The following ADGB variants were observed in gnomAD, a reference collection of about 807,000 sequenced individuals.
ADGB encodes androglobin.
In ADGB, 172 loss-of-function variants were observed where a neutral mutation model predicts 210.5. The observed-to-expected ratio is 0.82, with a 90% CI of 0.72 to 0.93. ADGB has a LOEUF of 0.93. Among genes scored for constraint, ADGB ranks in the 40% least tolerant of loss-of-function variants. The pLI is 0.00. For missense variants in ADGB, 2,025 were observed against 1,964.8 expected (o/e 1.03, Z -0.58); for synonymous variants, 658 against 662.7 (o/e 0.99, Z 0.11).
At chr6:146,599,163 C>T (rs748469758) in intron 1 of ADGB, 49 bp downstream of exon 1, 112 of 1,497,958 alleles carry the variant, frequency 7.5e-5, no homozygotes, top group Non-Finnish European at 9.7e-5. Flanking sequence ...GCCCCTCGAC[C>T]TCACCACTAG....
intron 5 of ADGB, among the ~76,000 whole-genome samples, chr6:146,662,715 T>C (rs1205210009): frequency 6.6e-6 from 1 of 151,894 alleles, no homozygotes; most frequent in African/African-American, 2.4e-5. Context: ...TGTAGTGTTA[T>C]GTTTTACAAC....
At chr6:146,669,456 G>A (rs1775977904) in intron 7 of ADGB, among the ~76,000 whole-genome samples, 1 of 152,022 alleles carries the variant, frequency 6.6e-6, no homozygotes, top group Non-Finnish European at 1.5e-5. Context: ...CACCACACCA[G>A]TGAAATGGCT....
At position 146,655,735 on chromosome 6, in the gene ADGB, T is replaced by C. The variant is rs796551627; in HGVS notation, c.403-1036T>C. Among the ~76,000 whole-genome samples the C allele has an allele frequency of 4.8e-4, 73 of 152,286 alleles. 1 individual carries two copies. The highest frequency in any genetic ancestry group is 1.7e-3 in the African/African-American group (70 of 41,574). On this transcript the variant is annotated intron_variant, in intron 4 of 35. Coordinates refer to ENST00000397944, the MANE Select transcript of ADGB (RefSeq NM_024694.4). Reference sequence around the variant, plus strand: ...ATCCTAATCCCACTTAGACTTTCGCTTTTCATTTTTCAAGGGAAGGAAAGT... The same window carrying C: ...ATCCTAATCCCACTTAGACTTTCGCCTTTCATTTTTCAAGGGAAGGAAAGT...
At chr6:146,635,296 T>C (rs1775401956) in intron 1 of ADGB, 79 bp from the exon 2 acceptor site, 3 of 1,249,022 alleles carry the variant, frequency 2.4e-6, no homozygotes, top group Non-Finnish European at 3.1e-6. Flanking sequence ...AAGACAAATT[T>C]ATGTTATGCA....
At chr6:146,664,820 T>C (rs1775916746) in intron 6 of ADGB, among the ~76,000 whole-genome samples, 1 of 152,086 alleles carries the variant, frequency 6.6e-6, no homozygotes, top group Admixed American at 6.6e-5. Context: ...TCACTTTTGA[T>C]ACATTCATGA....
At chr6:146,777,778 C>T (rs1777742305) in intron 29 of ADGB, among the ~76,000 whole-genome samples, 1 of 152,182 alleles carries the variant, frequency 6.6e-6, no homozygotes, top group African/African-American at 2.4e-5. Flanking sequence ...ACTGTAGCAA[C>T]TTCTTAAAGC....
chr6:146,812,920 T>G (rs1308224812), intron 35 of ADGB, among the ~76,000 whole-genome samples: 1 of 152,240 alleles, frequency 6.6e-6, no homozygotes, highest in East Asian at 1.9e-4. Context: ...GCTATTCATT[T>G]GGGAAAAGAA....
At chr6:146,642,835 A>G (rs1274451153) in intron 2 of ADGB, among the ~76,000 whole-genome samples, 2 of 151,874 alleles carry the variant, frequency 1.3e-5, no homozygotes, top group African/African-American at 4.8e-5. Context: ...TGGGTGATGA[A>G]ATAATCTGTA....
intron 28 of ADGB, among the ~76,000 whole-genome samples, chr6:146,767,518 C>A (rs1411366393): frequency 6.6e-6 from 1 of 152,056 alleles, no homozygotes; most frequent in African/African-American, 2.4e-5. Flanking sequence ...ACTCCATTGT[C>A]CAGGCAATGG....
rs1776813406 is a variant in ADGB at position 146,721,495 on chromosome 6, G to GA, written c.2085_2086insA (p.Glu696ArgfsTer20). On this transcript the variant is annotated frameshift_variant, in exon 17 of 36. Coordinates refer to ENST00000397944, the MANE Select transcript of ADGB (RefSeq NM_024694.4). LOFTEE classifies it high-confidence loss of function. ...GCTTTTCTGCATTGGTACGCTGGGG[G>GA]GAGTATGGAGGTAAGAGGGCTCTGA... 1 of 1,542,714 alleles carries GA rather than the reference G, an allele frequency of 6.5e-7. No individual in the cohort carries two copies. Among genetic ancestry groups the GA allele is most frequent in the South Asian group, 1.2e-5 (1 of 83,870 alleles).
In ADGB at chr6:146,664,293, G is replaced by A. The variant is rs1263757546; in HGVS notation, c.705G>A (p.Leu235=). Residue 235 remains leucine (L), a synonymous_variant, in exon 6 of 36, where the codon CTG becomes CTA. Transcript: ENST00000397944. Reference sequence around the variant, plus strand: ...CAGCTACAACTTATGAATTTGAACTGTGGCCAATGCTTTTGTCTAAAGCTA... The same window carrying A: ...CAGCTACAACTTATGAATTTGAACTATGGCCAATGCTTTTGTCTAAAGCTA... ...LLPATTYEFE[L]WPMLLSKAII... 5 of 1,549,572 alleles carry A rather than the reference G, an allele frequency of 3.2e-6. No individual in the cohort carries two copies. Among genetic ancestry groups the A allele is most frequent in the Non-Finnish European group, 4.4e-6 (5 of 1,146,042 alleles).
chr6:146,748,600 T>C (rs1777276406), intron 26 of ADGB, among the ~76,000 whole-genome samples: 1 of 152,186 alleles, frequency 6.6e-6, no homozygotes, highest in African/African-American at 2.4e-5. Flanking sequence ...ATTTCCCTTT[T>C]TCTTTAGAGA....
chr6:146,775,583 G>A (rs892303546), intron 29 of ADGB, among the ~76,000 whole-genome samples: 3 of 151,998 alleles, frequency 2.0e-5, no homozygotes, highest in African/African-American at 4.8e-5. Flanking sequence ...TTACAGTTTT[G>A]TGTTGCTGGC....
chr6:146,691,042 T>G (rs1484714594), intron 10 of ADGB, 74 bp from the exon 11 acceptor site: 11 of 1,314,346 alleles, frequency 8.4e-6, no homozygotes, highest in Admixed American at 3.1e-5. Flanking sequence ...CTGTTCGTGA[T>G]AGTATTTTTA....
intron 10 of ADGB, among the ~76,000 whole-genome samples, chr6:146,687,083 C>G (rs1413512745): frequency 6.6e-6 from 1 of 152,030 alleles, no homozygotes; most frequent in Admixed American, 6.6e-5. Context: ...TACTATATAA[C>G]AGTGTTCATA....
intron 5 of ADGB, among the ~76,000 whole-genome samples, chr6:146,659,021 A>C (rs1201826695): frequency 6.6e-6 from 1 of 152,088 alleles, no homozygotes; most frequent in Non-Finnish European, 1.5e-5. Flanking sequence ...AGAAATTTTT[A>C]TTTCTTTCTA....
chr6:146,746,956 T>TAA (rs1411586862), intron 26 of ADGB, among the ~76,000 whole-genome samples: 6 of 152,214 alleles, frequency 3.9e-5, no homozygotes, highest in Non-Finnish European at 5.9e-5. Flanking sequence ...CCTTTAATGA[T>TAA]AATTTTCAAT....
intron 33 of ADGB, among the ~76,000 whole-genome samples, chr6:146,796,109 G>GA (rs946833113): frequency 1.6e-4 from 24 of 151,524 alleles, no homozygotes; most frequent in Admixed American, 2.0e-4. Flanking sequence ...TAGCTGCAAA[G>GA]AAAAAAAACT....
chr6:146,788,694 G>A (rs1030340687), intron 33 of ADGB, 84 bp downstream of exon 33: 84 of 1,194,394 alleles, frequency 7.0e-5, no homozygotes, highest in African/African-American at 3.9e-4. Context: ...CATCAGTGAC[G>A]GCTAGGGCTA....
Sources: gnomAD v4.1 joint callset for allele counts (sites outside exome capture counted in the v4.1 genomes callset) on GRCh38, gnomAD v4.1.1 for gene constraint, MANE v1.5 for transcripts, NCBI Gene and HGNC (gene_info 2026-07-23, HGNC 2026-07-21) for gene names.